The following NOC4L variants were observed in gnomAD, a reference collection of about 807,000 sequenced individuals.
The protein encoded by NOC4L is nucleolar complex protein 4 homolog.
A neutral mutation model predicts 62.8 loss-of-function variants in NOC4L; 40 were observed. The ratio of observed to expected loss-of-function variants is 0.64; its 90% CI spans 0.49 to 0.83. NOC4L has a LOEUF of 0.83. Among genes scored for constraint, NOC4L ranks in the 40% least tolerant of loss-of-function variants. NOC4L has a pLI of 0.00. For synonymous variants in NOC4L, 433 were observed against 299.8 expected (o/e 1.44, Z -4.59); for missense variants, 927 against 701.9 (o/e 1.32, Z -3.62).
rs755414289 is a variant in NOC4L, at chr12:132,151,324, C to T, written c.1029C>T (p.Tyr343=). 31 of 1,611,600 alleles carry T rather than the reference C, an allele frequency of 1.9e-5. No homozygotes were observed. The highest frequency in any genetic ancestry group is 1.4e-5 in the Non-Finnish European group (16 of 1,179,974). The change falls in exon 11 of 15, where the codon TAC becomes TAT. Residue 343 remains tyrosine, a synonymous_variant. Coordinates refer to ENST00000330579, the MANE Select transcript of NOC4L (RefSeq NM_024078.3). The part of the protein sequence containing the change: ...LLDPSVFHVK[Y]RARFFHLADL... ...ACCCCTCTGTCTTTCACGTCAAGTACCGCGCCCGCTTCTTCCACCTGGCTG... is the reference window on the plus strand; with the variant it reads ...ACCCCTCTGTCTTTCACGTCAAGTATCGCGCCCGCTTCTTCCACCTGGCTG...
chr12:132,152,335 T>C lies in NOC4L; in HGVS notation c.1485T>C (p.Phe495=), dbSNP rs1873041615. The stretch of plus-strand genomic sequence containing the variant: ...GGCCCGAGCCGGTGCCACTGGAGTT[T>C]ATCCCAGCCCAGGGCCTGCTGGGAC... The part of the protein sequence containing the change: ...KKGPEPVPLE[F]IPAQGLLGRP... The change falls in exon 15 of 15, where the codon TTT becomes TTC. Residue 495 remains phenylalanine (F), a synonymous_variant. Coordinates refer to ENST00000330579, the MANE Select transcript of NOC4L (RefSeq NM_024078.3). 3.2e-6 allele frequency: 5 copies of C among 1,568,684 alleles called. No homozygotes were observed. In the East Asian group the frequency reaches 9.5e-5, roughly 30 times the overall value.
chr12:132,145,030 C>A lies in NOC4L; in HGVS notation c.238+56C>A, dbSNP rs1029510702. The A allele has an allele frequency of 7.8e-6, 12 of 1,531,784 alleles. No homozygotes were observed. The Admixed American group carries it at 1.6e-4, about 20-fold the overall frequency. 94.9% of individuals were successfully genotyped at this position (1,531,784 alleles called of 1,614,324 possible). A position where few individuals can be genotyped will look rare whatever the true frequency, so the allele number is the denominator to read the frequency against. ...TCTCTTTCCGTGGGTCGGAGGGAGG[C>A]TTTGTCACCATGGGATGAGCGCCCC... On this transcript the variant is annotated intron_variant, in intron 2 of 14. Coordinates refer to ENST00000330579, the MANE Select transcript of NOC4L (RefSeq NM_024078.3).
chr12:132,145,008 C>G, intron 2 of NOC4L, 34 bp downstream of exon 2: 1 of 1,562,972 alleles, frequency 6.4e-7, no homozygotes, highest in South Asian at 1.2e-5. Flanking sequence ...CTGCTCTTCT[C>G]TTTCCGTGGG....
chr12:132,144,521 C>T lies in NOC4L; in HGVS notation c.33C>T (p.Arg11=). Residue 11 remains arginine (R), a synonymous_variant, in exon 1 of 15, where the codon CGC becomes CGT. Transcript: ENST00000330579. ...GGGAGCCGGGCGCCGCGGGAGTTCG[C>T]CGGGCTCTGGGCCGCCGGCTGGAGG... The part of the protein sequence containing the change: MEREPGAAGV[R]RALGRRLEAV... The T allele has an allele frequency of 6.6e-7, 1 of 1,517,174 alleles. No individual in the cohort carries two copies. Among genetic ancestry groups the T allele is most frequent in the Non-Finnish European group, 8.8e-7 (1 of 1,142,092 alleles). The allele number at this position is 1,517,174 out of a possible 1,614,324, so 94.0% of individuals were successfully genotyped here.
Position 132,150,951 on chromosome 12 carries a change from C to T in NOC4L, c.902-30C>T, listed in dbSNP as rs1420241319. On this transcript the variant is annotated intron_variant, in intron 9 of 14. Coordinates refer to ENST00000330579, the MANE Select transcript of NOC4L (RefSeq NM_024078.3). Reference sequence around the variant, plus strand: ...GGGTAGGGTGGGAGCGAGGTCACTGCAGCTCCAGCCTGTGTCTGTCTGTCT... The same window carrying T: ...GGGTAGGGTGGGAGCGAGGTCACTGTAGCTCCAGCCTGTGTCTGTCTGTCT... The T allele has an allele frequency of 5.1e-6, 8 of 1,564,516 alleles. No homozygotes were observed. The Admixed American group carries it at 5.2e-5, about 10-fold the overall frequency.
At chr12:132,152,009 G>A in intron 13 of NOC4L, 75 bp from the exon 14 acceptor site, 2 of 1,420,888 alleles carry the variant, frequency 1.4e-6, no homozygotes, top group Middle Eastern at 2.4e-4. Context: ...CTGGTTGGGA[G>A]CACAGGGAGG....
intron 14 of NOC4L, 23 bp downstream of exon 14, chr12:132,152,220 G>T (rs565771491): frequency 5.6e-6 from 9 of 1,607,138 alleles, no homozygotes; most frequent in Admixed American, 1.7e-5. Flanking sequence ...GCCAGGGTGC[G>T]AGGGTCTGGG....
rs1897627273 is a variant in NOC4L at position 132,144,472 on chromosome 12, T to C, written c.-17T>C. ...GCCGGCGGCTGAGAATCCGCGTTGT[T>C]CCGTGTTGGGGGCGGCATGGAGCGG... On this transcript the variant is annotated 5_prime_UTR_variant, in exon 1 of 15. Transcript: ENST00000330579. The C allele has an allele frequency of 6.6e-7, 1 of 1,509,052 alleles. No homozygotes were observed. The highest frequency in any genetic ancestry group is 8.8e-7 in the Non-Finnish European group (1 of 1,142,228). 93.5% of individuals were successfully genotyped at this position (1,509,052 alleles called of 1,614,324 possible). A position where few individuals can be genotyped will look rare whatever the true frequency, so the allele number is the denominator to read the frequency against.
chr12:132,147,688 A>G lies in NOC4L; in HGVS notation c.509A>G (p.Gln170Arg), dbSNP rs146645255. The part of the protein sequence containing the change: ...PEEDQSLLLS[Q>R]FREYLDYDDT... ...GAGGACCAGAGCCTGCTCCTGTCCC[A>G]GTTCCGGGAGTACCTGGACTACGAC... The change falls in exon 5 of 15, where the codon CAG (glutamine) becomes CGG (arginine). Residue 170 changes from glutamine to arginine, a missense_variant. Transcript: ENST00000330579. The G allele has an allele frequency of 6.4e-4, 1,038 of 1,612,918 alleles. 2 individuals are homozygous for G. Among genetic ancestry groups the G allele is most frequent in the South Asian group, 1.9e-3 (177 of 91,084 alleles).
chr12:132,144,574 A>C lies in NOC4L; in HGVS notation c.86A>C (p.Asn29Thr), dbSNP rs1166884496. The change falls in exon 1 of 15, where the codon AAC becomes ACC. Residue 29 changes from asparagine to threonine, a missense_variant. Asn to Thr is a moderately conservative substitution (Grantham distance 65, BLOSUM62 0). Transcript: ENST00000330579. ...GTGCTGGCGAGCCGCAGTGAGGCCA[A>C]CGCCGTGTTCGACATCCTGGCCGTG... ...EAVLASRSEA[N>T]AVFDILAVLQ... The C allele has an allele frequency of 6.6e-7, 1 of 1,524,106 alleles. No homozygotes were observed. The highest frequency in any genetic ancestry group is 8.8e-7 in the Non-Finnish European group (1 of 1,142,800). 94.4% of individuals were successfully genotyped at this position (1,524,106 alleles called of 1,614,324 possible). A position where few individuals can be genotyped will look rare whatever the true frequency, so the allele number is the denominator to read the frequency against.
Position 132,148,826 on chromosome 12 carries a change from G to A in NOC4L, c.832G>A (p.Asp278Asn). The change falls in exon 9 of 15, where the codon GAC (aspartate) becomes AAC (asparagine). Residue 278 changes from aspartate (D) to asparagine (N), a missense_variant. Coordinates refer to ENST00000330579, the MANE Select transcript of NOC4L (RefSeq NM_024078.3). Reference protein sequence around the residue: ...LYKKVLLIVHDAILPQLAQPT... With the variant: ...LYKKVLLIVHNAILPQLAQPT... ...CAAGAAGGTGCTGCTGATTGTGCAT[G>A]ACGCCATCCTGCCGCAGCTGGCGCA... 6.2e-7 allele frequency: 1 copy of A among 1,603,682 alleles called. No individual in the cohort carries two copies. The highest frequency in any genetic ancestry group is 8.5e-7 in the Non-Finnish European group (1 of 1,178,330).
chr12:132,148,545 G>T (rs1897812829), intron 7 of NOC4L, 64 bp from the exon 8 acceptor site: 27 of 1,532,630 alleles, frequency 1.8e-5, no homozygotes, highest in Non-Finnish European at 2.3e-5. Flanking sequence ...GGGTGCCCTG[G>T]CAGCTGCTCG....
intron 2 of NOC4L, 29 bp downstream of exon 2, chr12:132,145,003 C>A (rs1174490834): frequency 1.3e-6 from 2 of 1,567,706 alleles, no homozygotes; most frequent in Non-Finnish European, 1.7e-6. Flanking sequence ...CGGGGCTGCT[C>A]TTCTCTTTCC....
intron 3 of NOC4L, chr12:132,146,331 C>A (rs184945096): frequency 1.3e-5 from 6 of 455,882 alleles, no homozygotes; most frequent in African/African-American, 4.0e-5. Flanking sequence ...AGTAGCAGCG[C>A]GTCGTATAGC....
At chr12:132,145,126 G>A (rs1897659845) in intron 2 of NOC4L, 152 bp downstream of exon 2, 7 of 1,137,982 alleles carry the variant, frequency 6.2e-6, no homozygotes, top group Non-Finnish European at 8.5e-6. Context: ...GGATGGTGGC[G>A]TTGGGGCAGG....
rs534092529 is a variant in NOC4L at position 132,146,239 on chromosome 12, G to A, written c.345+574G>A. 6.5e-4 allele frequency: 297 copies of A among 455,730 alleles called. 2 individuals are homozygous for A. The highest frequency in any genetic ancestry group is 3.3e-3 in the Middle Eastern group (10 of 3,066). 28.2% of individuals were successfully genotyped at this position (455,730 alleles called of 1,614,324 possible). Reference sequence around the variant, plus strand: ...TGGATCAATGGGTTTGCTTTTTTTAGACGCTCCTCATAAGGGGGATCATAC... The same window carrying A: ...TGGATCAATGGGTTTGCTTTTTTTAAACGCTCCTCATAAGGGGGATCATAC... On this transcript the variant is annotated intron_variant, in intron 3 of 14. Coordinates refer to ENST00000330579, the MANE Select transcript of NOC4L (RefSeq NM_024078.3).
rs554699574 is a variant in NOC4L at position 132,152,333 on chromosome 12, T to G, written c.1483T>G (p.Phe495Val). 7.0e-6 allele frequency: 11 copies of G among 1,567,802 alleles called. No individual in the cohort carries two copies. Among genetic ancestry groups the G allele is most frequent in the Non-Finnish European group, 9.5e-6 (11 of 1,155,864 alleles). Residue 495 changes from phenylalanine (F) to valine (V), a missense_variant, in exon 15 of 15, where the codon TTT becomes GTT. Phe to Val is a conservative substitution (Grantham distance 50). Transcript: ENST00000330579. ...GGGGCCCGAGCCGGTGCCACTGGAG[T>G]TTATCCCAGCCCAGGGCCTGCTGGG... ...KKGPEPVPLE[F>V]IPAQGLLGRP...
At chr12:132,150,835 G>A in intron 9 of NOC4L, 146 bp from the exon 10 acceptor site, 2 of 659,738 alleles carry the variant, frequency 3.0e-6, no homozygotes, top group South Asian at 1.8e-5. Flanking sequence ...TGCCCTGCAT[G>A]TGGTCTCCAG....
chr12:132,147,631 A>C lies in NOC4L; in HGVS notation c.454-2A>C. The C allele has an allele frequency of 6.2e-7, 1 of 1,612,406 alleles. No homozygotes were observed. Among genetic ancestry groups the C allele is most frequent in the Non-Finnish European group, 8.5e-7 (1 of 1,179,764 alleles). On this transcript the variant is annotated splice_acceptor_variant, in intron 4 of 14. Transcript: ENST00000330579. LOFTEE classifies it high-confidence loss of function. ...GGGCTGCTCACTGGTCCTTGCCCCT[A>C]GTTGGTGGTGGGAGGCCTGCTGTCT...
Sources: allele counts gnomAD v4.1 joint callset, GRCh38; gene constraint gnomAD v4.1.1; transcripts MANE v1.5; gene names NCBI Gene and HGNC (gene_info 2026-07-23, HGNC 2026-07-21).